The following AOPEP variants were observed in gnomAD, a reference collection of about 807,000 sequenced individuals.
AOPEP encodes aminopeptidase O.
Under a neutral mutation model 98.1 loss-of-function variants are expected in AOPEP, and 77 were observed. The observed-to-expected ratio is 0.78, with a 90% CI of 0.65 to 0.95. The LOEUF (loss-of-function observed/expected upper bound fraction) is 0.95, where lower values mean the gene tolerates loss of function less well. AOPEP is among the 40% of genes least tolerant of loss of function. The probability of loss-of-function intolerance (pLI) is 0.00; values close to 1 mark genes in which losing one functional copy is unlikely to be tolerated. For synonymous variants in AOPEP, 346 were observed against 365.3 expected, an observed-to-expected ratio of 0.95 and a Z score of 0.60; for missense variants, 1,024 against 1,024.7, an observed-to-expected ratio of 1.00 and a Z score of 0.01.
intron 13 of AOPEP, among the ~76,000 whole-genome samples, chr9:95,012,948 C>T: frequency 1.0e-5 from 1 of 95,338 alleles, no homozygotes; most frequent in African/African-American, 4.0e-5. Context: ...TAGAGGTTTT[C>T]ATCAAAGTAT....
At chr9:95,010,225 CTATT>C (rs1345249262) in intron 13 of AOPEP, among the ~76,000 whole-genome samples, 4 of 152,080 alleles carry the variant, frequency 2.6e-5, no homozygotes, top group East Asian at 1.9e-4. Flanking sequence ...AAATTTTAAA[CTATT>C]TAACAAAGTA....
chr9:95,098,307 G>A, the AOPEP span, among the ~76,000 whole-genome samples: 308 of 152,164 alleles, frequency 2.0e-3, 2 homozygotes, highest in Middle Eastern at 6.8e-3. Flanking sequence ...CAGAAAACTC[G>A]GCTTCCTCCC....
At chr9:95,131,488 G>A in the AOPEP span, among the ~76,000 whole-genome samples, 6 of 152,306 alleles carry the variant, frequency 3.9e-5, no homozygotes, top group Non-Finnish European at 8.8e-5. Context: ...AACTCGCAAC[G>A]TGGGCCTCTT....
intron 6 of AOPEP, 79 bp downstream of exon 6, chr9:94,924,254 G>A (rs2053998194): frequency 1.7e-6 from 2 of 1,206,192 alleles, no homozygotes; most frequent in Admixed American, 8.1e-5. Context: ...CAACAGCTAT[G>A]GACTGAGGGC....
At chr9:94,760,649 A>T in intron 2 of AOPEP, 69 bp downstream of exon 2, 1 of 1,274,024 alleles carries the variant, frequency 7.8e-7, no homozygotes, top group Non-Finnish European at 1.1e-6. Flanking sequence ...GCTTTCAAAC[A>T]TGAGACCGGC....
At chr9:94,796,259 C>T (rs907640300) in intron 4 of AOPEP, among the ~76,000 whole-genome samples, 7 of 152,112 alleles carry the variant, frequency 4.6e-5, no homozygotes, top group Admixed American at 4.6e-4. Context: ...TAAACTGTGA[C>T]TGAGTTTTCC....
At chr9:95,110,439 A>ATCT in the AOPEP span, 1 of 1,025,754 alleles carries the variant, frequency 9.7e-7, no homozygotes, top group African/African-American at 1.7e-5. Flanking sequence ...GCTTAACGTG[A>ATCT]TCTTTTAAAG....
At chr9:94,838,115 T>G (rs2041845927) in intron 5 of AOPEP, among the ~76,000 whole-genome samples, 1 of 152,034 alleles carries the variant, frequency 6.6e-6, no homozygotes, top group South Asian at 2.1e-4. Context: ...TTCACGCCAT[T>G]CTCCTGCCTC....
chr9:94,991,741 G>C (rs1743276706), intron 11 of AOPEP, among the ~76,000 whole-genome samples: 1 of 152,156 alleles, frequency 6.6e-6, no homozygotes, highest in Non-Finnish European at 1.5e-5. Context: ...TCACAAATAT[G>C]TGTCATGGAT....
intron 10 of AOPEP, among the ~76,000 whole-genome samples, chr9:94,978,592 G>C (rs1364614599): frequency 6.6e-6 from 1 of 152,158 alleles, no homozygotes; most frequent in African/African-American, 2.4e-5. Context: ...GTCAAGAAAG[G>C]CCTCTCTGTA....
Position 94,996,447 on chromosome 9 carries a change from T to C in AOPEP, c.1978-8711T>C, listed in dbSNP as rs563831561. Among the ~76,000 whole-genome samples the C allele has an allele frequency of 4.0e-5, 6 of 151,786 alleles. No individual in the cohort carries two copies. In the East Asian group the frequency reaches 7.8e-4, roughly 20 times the overall value. On this transcript the variant is annotated intron_variant, in intron 11 of 16. Coordinates refer to ENST00000375315, the MANE Select transcript of AOPEP (RefSeq NM_001193329.3). ...ATGGATGAATCAGGCCCATTCCTCT[T>C]GTTGCAAGTTGTGACTTCATTGGTT...
chr9:94,901,820 A>G (rs2050445034), intron 5 of AOPEP, among the ~76,000 whole-genome samples: 1 of 152,074 alleles, frequency 6.6e-6, no homozygotes, highest in African/African-American at 2.4e-5. Context: ...GCACATCTGT[A>G]ATCTTAGCTA....
the AOPEP span, among the ~76,000 whole-genome samples, chr9:95,148,004 G>A: frequency 7.2e-5 from 11 of 152,194 alleles, no homozygotes; most frequent in African/African-American, 2.2e-4. Context: ...TGGAATAACC[G>A]TGTTGACATT....
chr9:94,884,062 A>G (rs1186363664), intron 5 of AOPEP, among the ~76,000 whole-genome samples: 2 of 152,176 alleles, frequency 1.3e-5, no homozygotes, highest in Admixed American at 1.3e-4. Context: ...CTTCATGCGC[A>G]CCTGCCTTGG....
At chr9:94,917,868 A>AT (rs2053057224) in intron 5 of AOPEP, among the ~76,000 whole-genome samples, 1 of 151,506 alleles carries the variant, frequency 6.6e-6, no homozygotes, top group African/African-American at 2.4e-5. Context: ...TTCTTCCCTC[A>AT]TCTTTCTATC....
intron 9 of AOPEP, among the ~76,000 whole-genome samples, chr9:94,964,887 C>T (rs899799418): frequency 6.6e-6 from 1 of 152,076 alleles, no homozygotes; most frequent in Non-Finnish European, 1.5e-5. Context: ...GATCTGCCCG[C>T]CTTGGCCTCC....
At chr9:94,859,957 T>C (rs1338697230) in intron 5 of AOPEP, among the ~76,000 whole-genome samples, 1 of 152,248 alleles carries the variant, frequency 6.6e-6, no homozygotes, top group African/African-American at 2.4e-5. Flanking sequence ...ATAGAGACAG[T>C]CCCTGTCTTC....
At chr9:95,141,961 A>AT in the AOPEP span, among the ~76,000 whole-genome samples, 1 of 147,958 alleles carries the variant, frequency 6.8e-6, no homozygotes, top group African/African-American at 2.5e-5. Flanking sequence ...TAATGGTAAT[A>AT]GTAATATGTT....
chr9:95,016,039 A>C (rs893758826), intron 13 of AOPEP, among the ~76,000 whole-genome samples: 1 of 151,916 alleles, frequency 6.6e-6, no homozygotes, highest in African/African-American at 2.4e-5. Flanking sequence ...CATAAATGTG[A>C]AATCAAAGTG....
Sources: gnomAD v4.1 joint callset for allele counts (sites outside exome capture counted in the v4.1 genomes callset) on GRCh38, gnomAD v4.1.1 for gene constraint, MANE v1.5 for transcripts, NCBI Gene and HGNC (gene_info 2026-07-23, HGNC 2026-07-21) for gene names.